Variants in ADGRL3 observed in about 807,000 individuals in gnomAD.
The protein encoded by ADGRL3 is adhesion G protein-coupled receptor L3.
Under a neutral mutation model 153.5 loss-of-function variants are expected in ADGRL3, and 62 were observed. The observed-to-expected ratio is 0.40, with a 90% confidence interval of 0.33 to 0.50. The LOEUF (loss-of-function observed/expected upper bound fraction) is 0.50, where lower values mean the gene tolerates loss of function less well. Ranked by LOEUF, ADGRL3 falls within the 20% of genes least tolerant of loss-of-function variation. The pLI is 0.47. For missense variants in ADGRL3, 1,641 were observed against 1,859.4 expected, an observed-to-expected ratio of 0.88 and a Z score of 2.16; for synonymous variants, 710 against 672.5, an observed-to-expected ratio of 1.06 and a Z score of -0.86.
intron 2 of ADGRL3, among the ~76,000 whole-genome samples, chr4:61,440,110 G>A (rs2097509129): frequency 3.3e-5 from 5 of 151,960 alleles, no homozygotes; most frequent in Admixed American, 3.3e-4. Context: ...GTACAGTAGT[G>A]CAATCTTGGC....
chr4:61,857,072 CTTTCTTTCTTTT>C (rs1272399306), intron 9 of ADGRL3, among the ~76,000 whole-genome samples: 4 of 148,390 alleles, frequency 2.7e-5, no homozygotes, highest in East Asian at 2.0e-4. Flanking sequence ...CTCTCTCTTT[CTTTCTTTCTTTT>C]TTTCTTTCTT....
rs199552447 is a variant in ADGRL3, at chr4:61,874,786, GCT to G, written c.1481-17867_1481-17866del. 4.7e-4 allele frequency among the ~76,000 whole-genome samples: 36 copies of G among 76,158 alleles called. 2 individuals are homozygous for G. The highest frequency in any genetic ancestry group is 4.5e-3 in the East Asian group (6 of 1,342). 50.0% of individuals were successfully genotyped at this position (76,158 alleles called of 152,430 possible). ...AAAATATTTTCAACGACATCAAAAT[GCT>G]CTTTTTTTTTTTTTTTTTTTTTTTT... On this transcript the variant is annotated intron_variant, in intron 9 of 26. Transcript: ENST00000683033.
intron 8 of ADGRL3, among the ~76,000 whole-genome samples, chr4:61,812,647 C>T (rs1036702320): frequency 6.6e-6 from 1 of 152,166 alleles, no homozygotes; most frequent in African/African-American, 2.4e-5. Flanking sequence ...TGTAATTATG[C>T]TTTCTTGCCT....
At chr4:61,404,928 A>C (rs78056695) in intron 2 of ADGRL3, among the ~76,000 whole-genome samples, 4,636 of 152,156 alleles carry the variant, frequency 0.03, 221 homozygotes, top group East Asian at 0.21. Context: ...TTTAAAATGC[A>C]CATAAGAATA....
At chr4:61,992,636 T>C (rs934863345) in intron 19 of ADGRL3, among the ~76,000 whole-genome samples, 1 of 152,210 alleles carries the variant, frequency 6.6e-6, no homozygotes, top group East Asian at 1.9e-4. Flanking sequence ...ATTTACTAAG[T>C]ACATTTTACG....
chr4:61,615,513 G>T (rs7660566), intron 5 of ADGRL3, among the ~76,000 whole-genome samples: 83,812 of 151,794 alleles, frequency 0.55, 26,581 homozygotes, highest in Non-Finnish European at 0.74. Flanking sequence ...TTGTTGGTTG[G>T]TTAGACAAAA....
Position 61,407,478 on chromosome 4 carries a change from G to A in ADGRL3, c.-174+24289G>A, listed in dbSNP as rs114020579. On this transcript the variant is annotated intron_variant, in intron 2 of 26. Coordinates refer to ENST00000683033, the MANE Select transcript of ADGRL3 (RefSeq NM_001387552.1). ...TATGAAGCCTTCAAACTTCAATGTT[G>A]GTGGTTCTCACAAATTTTCTGTATT... is the stretch of plus-strand genomic sequence containing the variant. Among the ~76,000 whole-genome samples, 146 of 151,996 alleles carry A rather than the reference G, an allele frequency of 9.6e-4. 1 individual carries two copies. Among genetic ancestry groups the A allele is most frequent in the African/African-American group, 3.4e-3 (142 of 41,492 alleles).
At chr4:61,440,948 C>T (rs575401315) in intron 2 of ADGRL3, among the ~76,000 whole-genome samples, 3 of 152,262 alleles carry the variant, frequency 2.0e-5, no homozygotes, top group African/African-American at 4.8e-5. Flanking sequence ...ATTTGCCCAA[C>T]ATTTTGTAAC....
At chr4:61,368,254 T>G (rs2096447294) in intron 1 of ADGRL3, among the ~76,000 whole-genome samples, 1 of 152,210 alleles carries the variant, frequency 6.6e-6, no homozygotes, top group Admixed American at 6.5e-5. Flanking sequence ...AGATCCCATT[T>G]GTCAATTTTG....
At chr4:61,749,752 T>C (rs2152038639) in intron 8 of ADGRL3, among the ~76,000 whole-genome samples, 1 of 152,204 alleles carries the variant, frequency 6.6e-6, no homozygotes, top group East Asian at 1.9e-4. Flanking sequence ...GAGATATACC[T>C]AATGCTAAAT....
At chr4:61,970,239 G>A (rs1199803295) in intron 17 of ADGRL3, among the ~76,000 whole-genome samples, 2 of 152,096 alleles carry the variant, frequency 1.3e-5, no homozygotes, top group Non-Finnish European at 2.9e-5. Flanking sequence ...AAAATTATGT[G>A]TTGGTTATTA....
chr4:61,987,829 A>G (rs967922235), intron 19 of ADGRL3, among the ~76,000 whole-genome samples: 10 of 151,224 alleles, frequency 6.6e-5, no homozygotes, highest in Admixed American at 6.7e-5. Context: ...TTGAATATCT[A>G]TTACAATAAT....
intron 4 of ADGRL3, among the ~76,000 whole-genome samples, chr4:61,529,836 TA>T (rs2098601349): frequency 6.6e-6 from 1 of 152,110 alleles, no homozygotes; most frequent in Non-Finnish European, 1.5e-5. Flanking sequence ...ACAAAATATT[TA>T]AGACATTATG....
At chr4:61,508,568 TGTTAA>T (rs1212472715) in intron 3 of ADGRL3, among the ~76,000 whole-genome samples, 4 of 152,220 alleles carry the variant, frequency 2.6e-5, no homozygotes, top group Non-Finnish European at 4.4e-5. Flanking sequence ...TCATGTCATC[TGTTAA>T]GTTATTTATT....
intron 8 of ADGRL3, chr4:61,775,359 T>C: frequency 2.6e-6 from 1 of 379,256 alleles, no homozygotes; most frequent in Non-Finnish European, 4.9e-6. Flanking sequence ...AGTTCCCAGT[T>C]TTACAGTAAT....
chr4:61,207,516 C>T (rs1381430773), intron 1 of ADGRL3, among the ~76,000 whole-genome samples: 2 of 152,118 alleles, frequency 1.3e-5, no homozygotes, highest in Non-Finnish European at 2.9e-5. Context: ...CATACATGTG[C>T]ATGTGTCTTT....
chr4:61,252,238 A>G (rs963267138), intron 1 of ADGRL3, among the ~76,000 whole-genome samples: 12 of 152,180 alleles, frequency 7.9e-5, no homozygotes, highest in Non-Finnish European at 1.6e-4. Context: ...GATCAGTATC[A>G]TGCATATAAG....
At chr4:62,004,080 C>T (rs2099149566) in intron 21 of ADGRL3, among the ~76,000 whole-genome samples, 1 of 152,032 alleles carries the variant, frequency 6.6e-6, no homozygotes, top group Admixed American at 6.6e-5. Flanking sequence ...GAATTACATT[C>T]AGCTTGATGA....
At chr4:61,368,777 T>C (rs555518688) in intron 1 of ADGRL3, among the ~76,000 whole-genome samples, 43 of 152,304 alleles carry the variant, frequency 2.8e-4, no homozygotes, top group Non-Finnish European at 2.9e-5. Context: ...AAGGCATTGG[T>C]AGCTTGAGGG....
Sources: allele counts gnomAD v4.1 joint callset (sites outside exome capture counted in the v4.1 genomes callset), GRCh38; gene constraint gnomAD v4.1.1; transcripts MANE v1.5; gene names NCBI Gene and HGNC (gene_info 2026-07-23, HGNC 2026-07-21).